The following KDM2B variants were observed in gnomAD, a reference collection of about 807,000 sequenced individuals.
KDM2B encodes the protein lysine-specific demethylase 2B.
In KDM2B, 26 loss-of-function variants were observed where a neutral mutation model predicts 150.0. The ratio of observed to expected loss-of-function variants is 0.17; its 90% CI spans 0.13 to 0.24. KDM2B has a LOEUF of 0.24. Among genes scored for constraint, KDM2B ranks in the 10% least tolerant of loss-of-function variants. The pLI, the probability that KDM2B is intolerant of heterozygous loss-of-function variation, is 1.00. For missense variants in KDM2B, 1,265 were observed against 1,816.9 expected, an observed-to-expected ratio of 0.70 and a Z score of 5.52; for synonymous variants, 734 against 729.5, an observed-to-expected ratio of 1.01 and a Z score of -0.10.
intron 4 of KDM2B, among the ~76,000 whole-genome samples, chr12:121,560,002 G>A (rs1223980216): frequency 6.6e-6 from 1 of 152,022 alleles, no homozygotes; most frequent in East Asian, 1.9e-4. Context: ...AGGAGTCACT[G>A]TGTTTTTATA....
chr12:121,486,378 A>G (rs1555298940), intron 12 of KDM2B, among the ~76,000 whole-genome samples: 1 of 88,360 alleles, frequency 1.1e-5, no homozygotes, highest in African/African-American at 4.9e-5. Context: ...ACGGGGTTTC[A>G]TCATCTTGGC....
At chr12:121,441,595 C>A (rs1875063300) in intron 19 of KDM2B, among the ~76,000 whole-genome samples, 1 of 152,128 alleles carries the variant, frequency 6.6e-6, no homozygotes, top group African/African-American at 2.4e-5. Flanking sequence ...CGCCACCACA[C>A]CCGGCTAATT....
intron 12 of KDM2B, among the ~76,000 whole-genome samples, chr12:121,458,016 T>C (rs1555293159): frequency 6.6e-6 from 1 of 152,154 alleles, no homozygotes; most frequent in East Asian, 1.9e-4. Flanking sequence ...GTTCATGAAT[T>C]GGAAGATTTA....
intron 6 of KDM2B, among the ~76,000 whole-genome samples, chr12:121,547,368 A>G (rs1395983229): frequency 2.6e-5 from 4 of 152,308 alleles, no homozygotes; most frequent in Admixed American, 6.5e-5. Context: ...GTAATTAAAG[A>G]AAGAGAGAGA....
intron 1 of KDM2B, chr12:121,580,261 G>C (rs1891864395): frequency 8.2e-7 from 1 of 1,222,918 alleles, no homozygotes; most frequent in African/African-American, 1.6e-5. Context: ...GTGGGGGGGG[G>C]GAGGCGTCGA....
chr12:121,509,918 C>T lies in KDM2B; in HGVS notation c.1296G>A (p.Arg432=). The T allele has an allele frequency of 1.9e-6, 3 of 1,612,568 alleles. No individual in the cohort carries two copies. The highest frequency in any genetic ancestry group is 2.5e-6 in the Non-Finnish European group (3 of 1,179,648). ...CGGTGGGCGGTTTGGGTGCCCTGTCCCTGCCCTCGCCCTCCTCGTCCTTCT... is the reference window on the plus strand; with the variant it reads ...CGGTGGGCGGTTTGGGTGCCCTGTCTCTGCCCTCGCCCTCCTCGTCCTTCT... The part of the protein sequence containing the change: ...EEEKDEEGEG[R]DRAPKPPTDG... Residue 432 remains arginine (R), a synonymous_variant, in exon 11 of 23, where the codon AGG becomes AGA. Coordinates refer to ENST00000377071, the MANE Select transcript of KDM2B (RefSeq NM_032590.5).
At chr12:121,490,117 C>G (rs187951319) in intron 12 of KDM2B, among the ~76,000 whole-genome samples, 1 of 152,118 alleles carries the variant, frequency 6.6e-6, no homozygotes, top group Non-Finnish European at 1.5e-5. Context: ...GGACCCCAGA[C>G]GGAGCAGGCC....
chr12:121,526,573 A>T (rs1887152257), intron 8 of KDM2B, among the ~76,000 whole-genome samples: 1 of 146,082 alleles, frequency 6.8e-6, no homozygotes, highest in African/African-American at 2.5e-5. Flanking sequence ...TTATTTGTTT[A>T]AAAAAAAATG....
At chr12:121,547,702 T>C (rs915780222) in intron 6 of KDM2B, among the ~76,000 whole-genome samples, 12 of 140,520 alleles carry the variant, frequency 8.5e-5, no homozygotes, top group Non-Finnish European at 3.0e-5. Context: ...CAGGCTGGAG[T>C]GCAGTGGCTC....
At chr12:121,531,576 C>G (rs1594064560) in intron 8 of KDM2B, among the ~76,000 whole-genome samples, 1 of 152,222 alleles carries the variant, frequency 6.6e-6, no homozygotes, top group African/African-American at 2.4e-5. Context: ...AGGGAGCTCA[C>G]TACCTAACAG....
intron 12 of KDM2B, among the ~76,000 whole-genome samples, chr12:121,487,860 C>A (rs1319975085): frequency 6.6e-6 from 1 of 151,004 alleles, no homozygotes; most frequent in Non-Finnish European, 1.5e-5. Flanking sequence ...CGGCTCACTG[C>A]AAGCTCCGCC....
intron 12 of KDM2B, among the ~76,000 whole-genome samples, chr12:121,456,499 T>A (rs537183731): frequency 6.6e-6 from 1 of 152,116 alleles, no homozygotes; most frequent in Non-Finnish European, 1.5e-5. Flanking sequence ...AGGTGTGAAG[T>A]GGCCAGCGTG....
Position 121,521,235 on chromosome 12 carries a change from G to A in KDM2B, c.932-135C>T. The stretch of plus-strand genomic sequence containing the variant: ...AGAAGAGCAGCCAGGGCCTGGGGCA[G>A]CGGCGCCCAGCAATGCCTGCTGCAC... On this transcript the variant is annotated intron_variant, in intron 8 of 22. Coordinates refer to ENST00000377071, the MANE Select transcript of KDM2B (RefSeq NM_032590.5). This position sits in a 1 kb window ranked among gnomAD's most constrained non-coding sequence, Gnocchi z 4.9. 6.5e-6 allele frequency: 4 copies of A among 620,124 alleles called. No individual in the cohort carries two copies. In the South Asian group the frequency reaches 7.3e-5, roughly 11 times the overall value. 38.4% of individuals were successfully genotyped at this position (620,124 alleles called of 1,614,324 possible).
chr12:121,558,476 C>T (rs540327294), intron 4 of KDM2B, among the ~76,000 whole-genome samples: 63 of 136,516 alleles, frequency 4.6e-4, no homozygotes, highest in African/African-American at 1.5e-3. Flanking sequence ...TTTTTTGAGA[C>T]GGAGTCTCAC....
intron 17 of KDM2B, chr12:121,443,449 G>A (rs1875544957): frequency 1.7e-6 from 1 of 590,608 alleles, no homozygotes; most frequent in Admixed American, 3.0e-5. Context: ...GGGCCACCAG[G>A]CTCCTCAGAG....
chr12:121,564,821 T>TC (rs1242683697), intron 4 of KDM2B, among the ~76,000 whole-genome samples: 2 of 152,004 alleles, frequency 1.3e-5, no homozygotes, highest in African/African-American at 4.8e-5. Flanking sequence ...TCTTTTTTTT[T>TC]TCTCTTTTCT....
intron 22 of KDM2B, among the ~76,000 whole-genome samples, chr12:121,431,366 C>T (rs1057016032): frequency 6.9e-6 from 1 of 145,702 alleles, no homozygotes; most frequent in East Asian, 2.0e-4. Context: ...CCAGGCTGGC[C>T]TCAAACTCCT....
chr12:121,552,510 T>G (rs1555311960), intron 4 of KDM2B, among the ~76,000 whole-genome samples: 2 of 151,858 alleles, frequency 1.3e-5, no homozygotes, highest in African/African-American at 4.8e-5. Flanking sequence ...CTATCTCTAC[T>G]AAAAATACAA....
At chr12:121,438,230 G>A (rs536803250) in intron 22 of KDM2B, among the ~76,000 whole-genome samples, 21 of 150,452 alleles carry the variant, frequency 1.4e-4, no homozygotes, top group Admixed American at 4.0e-4. Context: ...CTCCAGCCTG[G>A]GTGACAGAGC....
Sources: gnomAD v4.1 joint callset for allele counts (sites outside exome capture counted in the v4.1 genomes callset) on GRCh38, gnomAD v4.1.1 for gene constraint, Gnocchi (gnomAD v3.1) non-coding constraint, MANE v1.5 for transcripts, NCBI Gene and HGNC (gene_info 2026-07-23, HGNC 2026-07-21) for gene names.